Variants in STK3 observed in about 807,000 individuals in gnomAD.
The protein encoded by STK3 is serine/threonine-protein kinase 3.
In STK3, 41 loss-of-function variants were observed where a neutral mutation model predicts 58.0. That is an observed-to-expected ratio of 0.71 (90% CI 0.55 to 0.92). The LOEUF (loss-of-function observed/expected upper bound fraction) is 0.92, where lower values mean the gene tolerates loss of function less well. Among genes scored for constraint, STK3 ranks in the 40% least tolerant of loss-of-function variants. The pLI, the probability that STK3 is intolerant of heterozygous loss-of-function variation, is 0.00. For missense variants in STK3, 479 were observed against 602.7 expected (o/e 0.79, Z 2.15); for synonymous variants, 170 against 191.0 (o/e 0.89, Z 0.91).
the STK3 span, among the ~76,000 whole-genome samples, chr8:98,359,784 ATC>A: frequency 6.6e-6 from 1 of 152,094 alleles, no homozygotes; most frequent in South Asian, 2.1e-4. Context: ...CCAGACTCTC[ATC>A]TCTGGGGAAA....
chr8:98,503,373 T>G (rs1349251430), intron 10 of STK3, among the ~76,000 whole-genome samples: 1 of 152,242 alleles, frequency 6.6e-6, no homozygotes, highest in African/African-American at 2.4e-5. Context: ...CACTGATTTT[T>G]TGAAGGGTTT....
chr8:98,611,677 A>G (rs1305956870), intron 6 of STK3, among the ~76,000 whole-genome samples: 1 of 152,224 alleles, frequency 6.6e-6, no homozygotes. Flanking sequence ...ACTCTATGCC[A>G]GTGGTTCTTA....
chr8:98,397,884 C>G (rs1050272887), downstream of STK3, among the ~76,000 whole-genome samples: 4 of 152,200 alleles, frequency 2.6e-5, no homozygotes, highest in Non-Finnish European at 4.4e-5. Context: ...TCCCCTCCAC[C>G]TTCTACCATG....
intron 3 of STK3, among the ~76,000 whole-genome samples, chr8:98,846,811 A>G (rs945951236): frequency 6.6e-6 from 1 of 151,886 alleles, no homozygotes; most frequent in Non-Finnish European, 1.5e-5. Flanking sequence ...TGAAACCACA[A>G]AGATAGAGTT....
intron 2 of STK3, among the ~76,000 whole-genome samples, chr8:98,770,479 C>T (rs1831237816): frequency 6.6e-6 from 1 of 152,176 alleles, no homozygotes; most frequent in Non-Finnish European, 1.5e-5. Context: ...AGCATGTTAG[C>T]TCAAACAGTT....
chr8:98,441,765 A>G (rs1287179518), intron 1 of STK3, among the ~76,000 whole-genome samples: 1 of 151,902 alleles, frequency 6.6e-6, no homozygotes, highest in Non-Finnish European at 1.5e-5. Flanking sequence ...TTGTTGTCAA[A>G]TTTGCTGGCC....
intron 3 of STK3, chr8:98,875,537 C>T (rs749768722): frequency 9.9e-5 from 15 of 152,212 alleles, no homozygotes; most frequent in Admixed American, 4.6e-4. Context: ...AAGCTCAGTC[C>T]TTTAAGTTTC....
intron 1 of STK3, among the ~76,000 whole-genome samples, chr8:98,793,323 T>A (rs551282468): frequency 1.3e-5 from 2 of 151,752 alleles, no homozygotes; most frequent in African/African-American, 2.4e-5. Context: ...CAATAACTTA[T>A]GGAAATTAAA....
At chr8:98,765,934 T>C (rs1482591134) in intron 3 of STK3, among the ~76,000 whole-genome samples, 2 of 152,238 alleles carry the variant, frequency 1.3e-5, no homozygotes, top group African/African-American at 4.8e-5. Context: ...TCCATTTAAC[T>C]ATCCAACCTC....
At chr8:98,831,473 T>A (rs1031398086) in intron 3 of STK3, among the ~76,000 whole-genome samples, 1 of 152,168 alleles carries the variant, frequency 6.6e-6, no homozygotes, top group African/African-American at 2.4e-5. Context: ...CCCAGACTGG[T>A]CTCGAACTCC....
chr8:98,560,720 A>G (rs1811943703), intron 8 of STK3, among the ~76,000 whole-genome samples: 1 of 152,116 alleles, frequency 6.6e-6, no homozygotes, highest in Non-Finnish European at 1.5e-5. Flanking sequence ...TAGAACAGCC[A>G]AGGCAATACT....
chr8:98,654,275 A>C (rs1222925450), intron 6 of STK3, among the ~76,000 whole-genome samples: 1 of 152,238 alleles, frequency 6.6e-6, no homozygotes, highest in African/African-American at 2.4e-5. Context: ...CTTTGACAAA[A>C]TTCAACAATC....
At chr8:98,616,419 C>T (rs1205075920) in intron 6 of STK3, among the ~76,000 whole-genome samples, 2 of 147,154 alleles carry the variant, frequency 1.4e-5, no homozygotes, top group East Asian at 2.0e-4. Flanking sequence ...AGCAAAATAA[C>T]CAGCTAACAT....
At chr8:98,812,131 C>T (rs918517221) in intron 1 of STK3, among the ~76,000 whole-genome samples, 3 of 152,020 alleles carry the variant, frequency 2.0e-5, no homozygotes, top group Non-Finnish European at 4.4e-5. Context: ...CAATCCTGCT[C>T]CCTTTTGCCT....
chr8:98,925,309 C>T (rs922190136), intron 1 of STK3, among the ~76,000 whole-genome samples: 1 of 152,200 alleles, frequency 6.6e-6, no homozygotes, highest in Non-Finnish European at 1.5e-5. Flanking sequence ...GTAAAAACTG[C>T]AAAATAAGGC....
At chr8:98,791,549 C>T (rs1321851877) in intron 1 of STK3, among the ~76,000 whole-genome samples, 2 of 152,170 alleles carry the variant, frequency 1.3e-5, no homozygotes, top group Non-Finnish European at 2.9e-5. Context: ...CTGGAGGCAT[C>T]GCATTACCTG....
chr8:98,588,579 G>C (rs1814908017), intron 7 of STK3, among the ~76,000 whole-genome samples: 1 of 152,126 alleles, frequency 6.6e-6, no homozygotes, highest in Middle Eastern at 3.4e-3. Flanking sequence ...TATGTGTCTT[G>C]GAGTTGCTTT....
intron 3 of STK3, chr8:98,432,819 A>G (rs1818356069): frequency 6.0e-6 from 1 of 166,862 alleles, no homozygotes; most frequent in Non-Finnish European, 1.5e-5. Context: ...TTAACACACT[A>G]CTGTGCAAGC....
intron 1 of STK3, among the ~76,000 whole-genome samples, chr8:98,801,989 T>C (rs958378257): frequency 2.0e-5 from 3 of 152,134 alleles, no homozygotes; most frequent in Non-Finnish European, 2.9e-5. Flanking sequence ...CTGGGCAATG[T>C]AGCAAGATCC....
Sources: gnomAD v4.1 joint callset for allele counts (sites outside exome capture counted in the v4.1 genomes callset) on GRCh38, gnomAD v4.1.1 for gene constraint, MANE v1.5 for transcripts, NCBI Gene and HGNC (gene_info 2026-07-23, HGNC 2026-07-21) for gene names.